SLIT3: variants seen among roughly 807,000 people sequenced by gnomAD.
SLIT3 encodes the protein slit guidance ligand 3.
SLIT3 carries 68 observed loss-of-function variants against 184.0 expected under a neutral mutation model. That is an observed-to-expected ratio of 0.37 (90% CI 0.30 to 0.45). The LOEUF (loss-of-function observed/expected upper bound fraction) is 0.45. Among genes scored for constraint, SLIT3 ranks in the 20% least tolerant of loss-of-function variants. The probability of loss-of-function intolerance (pLI) is 1.00; values close to 1 mark genes in which losing one functional copy is unlikely to be tolerated. For missense variants in SLIT3, 1,707 were observed against 2,026.0 expected, an observed-to-expected ratio of 0.84 and a Z score of 3.02; for synonymous variants, 831 against 828.6, an observed-to-expected ratio of 1.00 and a Z score of -0.05.
chr5:168,906,648 A>AT (rs993416455), intron 4 of SLIT3, among the ~76,000 whole-genome samples: 10 of 152,076 alleles, frequency 6.6e-5, no homozygotes, highest in Middle Eastern at 3.4e-3. Flanking sequence ...CTATATATAT[A>AT]TTTTTTTCCG....
chr5:169,017,570 G>A (rs1212809558), intron 4 of SLIT3, among the ~76,000 whole-genome samples: 3 of 152,186 alleles, frequency 2.0e-5, no homozygotes, highest in African/African-American at 7.2e-5. Context: ...GGGCTGAAAG[G>A]AGCAGGACAA....
chr5:169,241,842 G>T (rs1581093930), intron 3 of SLIT3, among the ~76,000 whole-genome samples: 1 of 152,126 alleles, frequency 6.6e-6, no homozygotes, highest in Admixed American at 6.5e-5. Context: ...TTTCATGGGG[G>T]AATAGAGAAT....
intron 5 of SLIT3, among the ~76,000 whole-genome samples, chr5:168,872,640 C>CTTTTTTTTT (rs774066150): frequency 7.1e-5 from 8 of 112,428 alleles, no homozygotes; most frequent in South Asian, 3.1e-4. Context: ...TCTTCTTCTT[C>CTTTTTTTTT]TTTTTTTTTT....
At chr5:168,713,459 A>T (rs1025489594) in intron 23 of SLIT3, among the ~76,000 whole-genome samples, 13 of 152,232 alleles carry the variant, frequency 8.5e-5, no homozygotes, top group Admixed American at 8.5e-4. Context: ...TTAATCATCA[A>T]CTGCATAAAA....
chr5:168,829,385 A>T (rs760346872), intron 6 of SLIT3, among the ~76,000 whole-genome samples: 3 of 152,142 alleles, frequency 2.0e-5, no homozygotes, highest in Non-Finnish European at 2.9e-5. Context: ...TCCTGTGGGT[A>T]TTCTTGGAAT....
chr5:168,867,134 AT>A (rs1420582843), intron 5 of SLIT3, among the ~76,000 whole-genome samples: 11 of 152,248 alleles, frequency 7.2e-5, no homozygotes, highest in African/African-American at 2.7e-4. Context: ...AGGAACCTGC[AT>A]TCTAAATAAG....
At chr5:168,889,377 T>A (rs1361885727) in intron 4 of SLIT3, among the ~76,000 whole-genome samples, 1 of 152,124 alleles carries the variant, frequency 6.6e-6, no homozygotes, top group East Asian at 1.9e-4. Context: ...TACAATGGAG[T>A]AATGACTAAT....
At position 168,802,347 on chromosome 5, in the gene SLIT3, C is replaced by G. The variant is rs1460647187; in HGVS notation, c.935+4099G>C. ...GGTACATGGAAGAAGCAGGATCCCC[C>G]CTCCAACCTGCTCTCAAGTTCTCTC... On this transcript the variant is annotated intron_variant, in intron 9 of 35. Transcript: ENST00000519560. 5.3e-5 allele frequency among the ~76,000 whole-genome samples: 8 copies of G among 152,184 alleles called. No individual in the cohort carries two copies. In the East Asian group the frequency reaches 1.2e-3, roughly 22 times the overall value.
At chr5:169,080,621 C>G (rs1342719807) in intron 4 of SLIT3, among the ~76,000 whole-genome samples, 1 of 151,906 alleles carries the variant, frequency 6.6e-6, no homozygotes, top group Non-Finnish European at 1.5e-5. Flanking sequence ...TCCTCCTTAA[C>G]ACCTCTGAGG....
intron 4 of SLIT3, among the ~76,000 whole-genome samples, chr5:168,988,674 C>T (rs771118178): frequency 3.7e-4 from 56 of 152,104 alleles, no homozygotes; most frequent in Non-Finnish European, 7.1e-4. Context: ...AACATGCATA[C>T]GTTATATAAA....
intron 4 of SLIT3, among the ~76,000 whole-genome samples, chr5:168,996,136 G>T (rs1755501306): frequency 6.6e-6 from 1 of 152,208 alleles, no homozygotes; most frequent in South Asian, 2.1e-4. Context: ...ACAGGGAAGG[G>T]TGTGGGGAGA....
At chr5:168,738,519 C>T (rs1365308824) in intron 20 of SLIT3, among the ~76,000 whole-genome samples, 1 of 152,174 alleles carries the variant, frequency 6.6e-6, no homozygotes. Flanking sequence ...AACTAGCTGG[C>T]TTTTACATTT....
chr5:168,751,085 G>T (rs1754681174), intron 18 of SLIT3, among the ~76,000 whole-genome samples: 1 of 152,078 alleles, frequency 6.6e-6, no homozygotes, highest in East Asian at 1.9e-4. Context: ...TCCAGGGAGT[G>T]CCAAGTTCCA....
intron 1 of SLIT3, among the ~76,000 whole-genome samples, chr5:169,274,020 C>T (rs1766721226): frequency 6.6e-6 from 1 of 152,230 alleles, no homozygotes; most frequent in Admixed American, 6.5e-5. Context: ...GAATCCCTAT[C>T]TTCAAAGAGC....
intron 3 of SLIT3, among the ~76,000 whole-genome samples, chr5:169,207,417 G>C (rs1325561022): frequency 8.3e-6 from 1 of 120,764 alleles, no homozygotes; most frequent in African/African-American, 3.3e-5. Context: ...ACACACACAC[G>C]GCACCAAGTC....
chr5:168,796,467 G>A (rs955268132), intron 9 of SLIT3, among the ~76,000 whole-genome samples: 1 of 152,186 alleles, frequency 6.6e-6, no homozygotes, highest in Admixed American at 6.5e-5. Context: ...CCCTGGCCCA[G>A]GCTCAGGATC....
chr5:169,160,693 C>T (rs1762449155), intron 4 of SLIT3, among the ~76,000 whole-genome samples: 2 of 152,206 alleles, frequency 1.3e-5, no homozygotes, highest in African/African-American at 2.4e-5. Flanking sequence ...TCCCTCCCAG[C>T]ATCCCCAGCG....
chr5:168,986,962 C>T (rs532685539), intron 4 of SLIT3, among the ~76,000 whole-genome samples: 1 of 152,192 alleles, frequency 6.6e-6, no homozygotes, highest in African/African-American at 2.4e-5. Flanking sequence ...GCAGGAGAAT[C>T]GCTTGAACCC....
chr5:168,769,695 C>G (rs537195373), intron 14 of SLIT3, among the ~76,000 whole-genome samples: 1 of 152,302 alleles, frequency 6.6e-6, no homozygotes, highest in South Asian at 2.1e-4. Context: ...GAAATCCATC[C>G]TGTTCGTGCA....
Sources: allele counts gnomAD v4.1 joint callset (sites outside exome capture counted in the v4.1 genomes callset), GRCh38; gene constraint gnomAD v4.1.1; transcripts MANE v1.5; gene names NCBI Gene and HGNC (gene_info 2026-07-23, HGNC 2026-07-21).